CRBN: variants seen among roughly 807,000 people sequenced by gnomAD.
CRBN encodes protein cereblon.
A neutral mutation model predicts 62.2 loss-of-function variants in CRBN; 53 were observed. The ratio of observed to expected loss-of-function variants is 0.85; its 90% CI spans 0.68 to 1.07. The LOEUF is 1.07. Among genes scored for constraint, CRBN ranks in the 50% least tolerant of loss-of-function variants. CRBN has a pLI of 0.00. For missense variants in CRBN, 616 were observed against 531.1 expected, an observed-to-expected ratio of 1.16 and a Z score of -1.57; for synonymous variants, 208 against 176.1, an observed-to-expected ratio of 1.18 and a Z score of -1.43.
intron 5 of CRBN, 136 bp downstream of exon 5, chr3:3,167,498 G>C: frequency 1.2e-6 from 1 of 830,022 alleles, no homozygotes; most frequent in Non-Finnish European, 1.9e-6. Flanking sequence ...AATTTTTAGA[G>C]GATCAAATGT....
chr3:3,153,929 T>C (rs751880211), intron 8 of CRBN, 31 bp downstream of exon 8: 4 of 1,334,554 alleles, frequency 3.0e-6, no homozygotes, highest in African/African-American at 1.4e-5. Flanking sequence ...GAATAAAACA[T>C]GGGCATCAAA....
At chr3:3,167,515 A>T in intron 5 of CRBN, 119 bp downstream of exon 5, 1 of 955,840 alleles carries the variant, frequency 1.0e-6, no homozygotes, top group Admixed American at 2.1e-5. Flanking sequence ...ATGTAGCTGG[A>T]ATATTGCCAT....
chr3:3,155,062 A>G (rs1706822654), intron 6 of CRBN: 1 of 552,720 alleles, frequency 1.8e-6, no homozygotes, highest in Non-Finnish European at 3.2e-6. Flanking sequence ...ACCCAGCGGT[A>G]TATGCTCCCA....
intron 5 of CRBN, among the ~76,000 whole-genome samples, chr3:3,164,828 T>A (rs1342333364): frequency 2.0e-5 from 3 of 152,208 alleles, no homozygotes; most frequent in African/African-American, 7.2e-5. Flanking sequence ...AACTTTCAAA[T>A]CTTATTATTT....
intron 5 of CRBN, among the ~76,000 whole-genome samples, chr3:3,161,605 T>C (rs1042976369): frequency 6.6e-6 from 1 of 152,118 alleles, no homozygotes; most frequent in Non-Finnish European, 1.5e-5. Flanking sequence ...GCCAGGCTGG[T>C]CTTGAACTCC....
chr3:3,175,215 G>C lies in CRBN; in HGVS notation c.122C>G (p.Ala41Gly). ...MEVEDQDSKE[A>G]KKPNIINFDT... The stretch of plus-strand genomic sequence containing the variant: ...AAAATTTATGATGTTTGGTTTTTTG[G>C]CTTCTTTACTATCCTGGTCTTCAAC... The change falls in exon 2 of 11, where the codon GCC becomes GGC. Residue 41 changes from alanine (A) to glycine (G), a missense_variant. Coordinates refer to ENST00000231948, the MANE Select transcript of CRBN (RefSeq NM_016302.4). 1 of 1,613,130 alleles carries C rather than the reference G, an allele frequency of 6.2e-7. No homozygotes were observed. The highest frequency in any genetic ancestry group is 8.5e-7 in the Non-Finnish European group (1 of 1,179,592).
intron 4 of CRBN, among the ~76,000 whole-genome samples, chr3:3,168,306 T>A (rs1334940017): frequency 6.6e-6 from 1 of 152,198 alleles, no homozygotes. Context: ...GAGAGTTACA[T>A]GCAACCTTTC....
At chr3:3,157,863 T>A (rs1397905799) in intron 5 of CRBN, among the ~76,000 whole-genome samples, 1 of 152,200 alleles carries the variant, frequency 6.6e-6, no homozygotes, top group Admixed American at 6.5e-5. Flanking sequence ...ACTTTTATTA[T>A]CAAAGGGAAT....
Position 3,150,307 on chromosome 3 carries a change from A to G in CRBN, c.*558T>C, listed in dbSNP as rs1706425263. On this transcript the variant is annotated 3_prime_UTR_variant, in exon 11 of 11. Coordinates refer to ENST00000231948, the MANE Select transcript of CRBN (RefSeq NM_016302.4). ...AACTGCATATTTTAACTAATTTTCA[A>G]AATTTACAAATCAGTATCTCAGAGA... 1 of 152,696 alleles carries G rather than the reference A, an allele frequency of 6.5e-6. No individual in the cohort carries two copies. Among genetic ancestry groups the G allele is most frequent in the African/African-American group, 2.4e-5 (1 of 41,446 alleles). The allele number at this position is 152,696 out of a possible 1,614,324, so 9.5% of individuals were successfully genotyped here. A position where few individuals can be genotyped will look rare whatever the true frequency, so the allele number is the denominator to read the frequency against.
intron 5 of CRBN, among the ~76,000 whole-genome samples, chr3:3,164,057 C>T (rs1355026719): frequency 6.6e-6 from 1 of 152,160 alleles, no homozygotes; most frequent in African/African-American, 2.4e-5. Context: ...AGACAGTAAA[C>T]TTAACAAATG....
intron 6 of CRBN, chr3:3,155,333 T>G (rs1386200706): frequency 6.3e-6 from 1 of 158,178 alleles, no homozygotes; most frequent in Non-Finnish European, 1.4e-5. Flanking sequence ...GCAGTTTCCT[T>G]TAGTGTCGTG....
At chr3:3,171,857 G>A (rs115557297) in intron 4 of CRBN, among the ~76,000 whole-genome samples, 1 of 152,054 alleles carries the variant, frequency 6.6e-6, no homozygotes, top group Non-Finnish European at 1.5e-5. Flanking sequence ...GCAACACAGA[G>A]GTCTGATGAG....
At position 3,167,724 on chromosome 3, in the gene CRBN, T is replaced by C; in HGVS notation, c.597A>G (p.Leu199=). 2.5e-6 allele frequency: 4 copies of C among 1,613,708 alleles called. No homozygotes were observed. The highest frequency in any genetic ancestry group is 2.5e-6 in the Non-Finnish European group (3 of 1,179,670). The change falls in exon 5 of 11, where the codon TTA becomes TTG. Residue 199 remains leucine (L), a synonymous_variant. Transcript: ENST00000231948. ...ATATCTGGCACTTATTGAGGGATTCTAATTGAACTGCAGACATGGTTGAAG... is the reference window on the plus strand; with the variant it reads ...ATATCTGGCACTTATTGAGGGATTCCAATTGAACTGCAGACATGGTTGAAG... The part of the protein sequence containing the change: ...VLPSTMSAVQ[L]ESLNKCQIFP...
intron 6 of CRBN, chr3:3,155,571 T>C (rs1575083455): frequency 6.5e-6 from 1 of 153,456 alleles, no homozygotes; most frequent in East Asian, 1.9e-4. Flanking sequence ...TTAAACCATT[T>C]CAGCACTGTC....
intron 6 of CRBN, chr3:3,155,061 T>C: frequency 1.8e-6 from 1 of 555,944 alleles, no homozygotes; most frequent in South Asian, 2.1e-5. Flanking sequence ...AACCCAGCGG[T>C]ATATGCTCCC....
Position 3,167,616 on chromosome 3 carries a change from A to T in CRBN, c.687+18T>A, listed in dbSNP as rs758519328. The T allele has an allele frequency of 7.5e-6, 12 of 1,609,948 alleles. No homozygotes were observed. The highest frequency in any genetic ancestry group is 1.0e-5 in the Non-Finnish European group (12 of 1,177,054). On this transcript the variant is annotated intron_variant, in intron 5 of 10. Coordinates refer to ENST00000231948, the MANE Select transcript of CRBN (RefSeq NM_016302.4). ...CTGTCTTCATTTTTTGAAGATGCAT[A>T]AAAAATTAGTTTCTCACCTTCTGGT...
At chr3:3,155,164 G>A (rs1326826795) in intron 6 of CRBN, 11 of 282,202 alleles carry the variant, frequency 3.9e-5, no homozygotes, top group African/African-American at 2.2e-4. Flanking sequence ...AGTCCATAGG[G>A]ATTATGGCAC....
At chr3:3,155,118 C>A in intron 6 of CRBN, 1 of 426,838 alleles carries the variant, frequency 2.3e-6, no homozygotes, top group Non-Finnish European at 4.3e-6. Flanking sequence ...TTGGAACTGG[C>A]CTCTCTTCTG....
intron 1 of CRBN, among the ~76,000 whole-genome samples, chr3:3,176,276 C>T (rs1255397601): frequency 2.0e-5 from 3 of 152,190 alleles, no homozygotes; most frequent in Middle Eastern, 3.2e-3. Flanking sequence ...ACAAGTCAAC[C>T]TCTAACGTTC....
Sources: allele counts gnomAD v4.1 joint callset (sites outside exome capture counted in the v4.1 genomes callset), GRCh38; gene constraint gnomAD v4.1.1; transcripts MANE v1.5; gene names NCBI Gene and HGNC (gene_info 2026-07-23, HGNC 2026-07-21).